The following DELE1 variants were observed in gnomAD, a reference collection of about 807,000 sequenced individuals.
DELE1 encodes the protein death ligand signal enhancer.
DELE1 carries 54 observed loss-of-function variants against 59.3 expected under a neutral mutation model. The ratio of observed to expected loss-of-function variants is 0.91; its 90% CI spans 0.73 to 1.14. The LOEUF (loss-of-function observed/expected upper bound fraction) is 1.14, where lower values mean the gene tolerates loss of function less well. Ranked by LOEUF, DELE1 falls within the 50% of genes most tolerant of loss-of-function variation. The probability of loss-of-function intolerance (pLI) is 0.00; values close to 1 mark genes in which losing one functional copy is unlikely to be tolerated. For missense variants in DELE1, 636 were observed against 643.9 expected (o/e 0.99, Z 0.13); for synonymous variants, 264 against 259.1 (o/e 1.02, Z -0.18).
At chr5:141,931,497 A>G (rs1179729521) in intron 7 of DELE1, among the ~76,000 whole-genome samples, 2 of 152,294 alleles carry the variant, frequency 1.3e-5, no homozygotes, top group Admixed American at 1.3e-4. Flanking sequence ...TCTGGCTGCC[A>G]TGTAGACAGA....
At chr5:141,929,959 C>A in intron 5 of DELE1, 30 bp from the exon 6 acceptor site, 1 of 1,603,660 alleles carries the variant, frequency 6.2e-7, no homozygotes, top group Non-Finnish European at 8.5e-7. Context: ...TCTCCTTTGC[C>A]CTGGCCGGGT....
Position 141,934,395 on chromosome 5 carries a change from A to G in DELE1, c.1053A>G (p.Arg351=). The G allele has an allele frequency of 6.2e-7, 1 of 1,614,192 alleles. No individual in the cohort carries two copies. The highest frequency in any genetic ancestry group is 8.5e-7 in the Non-Finnish European group (1 of 1,180,028). The part of the protein sequence containing the change: ...LLKQAADSGL[R]EAQAFLGVLF... Reference sequence around the variant, plus strand: ...AGCAGGCTGCAGACTCAGGCTTGAGAGAGGTGAGTGCCATTGGCAGGGTCT... The same window carrying G: ...AGCAGGCTGCAGACTCAGGCTTGAGGGAGGTGAGTGCCATTGGCAGGGTCT... Residue 351 remains arginine, a synonymous_variant, in exon 9 of 12, where the codon AGA becomes AGG. Transcript: ENST00000432126.
chr5:141,932,177 G>A (rs1428163687), intron 7 of DELE1, among the ~76,000 whole-genome samples: 1 of 152,174 alleles, frequency 6.6e-6, no homozygotes, highest in Non-Finnish European at 1.5e-5. Context: ...CTTTGATGGT[G>A]GAGGCGGAAA....
chr5:141,925,431 C>A lies in DELE1; in HGVS notation c.168C>A (p.Gly56=). 6.3e-7 allele frequency: 1 copy of A among 1,595,664 alleles called. No homozygotes were observed. The highest frequency in any genetic ancestry group is 2.3e-5 in the East Asian group (1 of 43,102). The change falls in exon 3 of 12, where the codon GGC becomes GGA. Residue 56 remains glycine, a synonymous_variant. Transcript: ENST00000432126. Reference sequence around the variant, plus strand: ...CTAGGTCAGGTCCCCATGGCCCAGGCACGAGCGGGGGTCCAAGGTCCCATG... The same window carrying A: ...CTAGGTCAGGTCCCCATGGCCCAGGAACGAGCGGGGGTCCAAGGTCCCATG... ...NLDRSGPHGP[G]TSGGPRSHGW...
chr5:141,929,515 G>A, intron 4 of DELE1, 67 bp from the exon 5 acceptor site: 1 of 1,550,888 alleles, frequency 6.4e-7, no homozygotes, highest in East Asian at 2.3e-5. Context: ...CTCCCAAGGT[G>A]CTGTGATTAT....
chr5:141,925,340 T>C lies in DELE1; in HGVS notation c.147-70T>C, dbSNP rs1404037941. 8 of 1,014,088 alleles carry C rather than the reference T, an allele frequency of 7.9e-6. No homozygotes were observed. The Admixed American group carries it at 1.5e-4, about 19-fold the overall frequency. The allele number at this position is 1,014,088 out of a possible 1,614,324, so 62.8% of individuals were successfully genotyped here. A position where few individuals can be genotyped will look rare whatever the true frequency, so the allele number is the denominator to read the frequency against. ...CCTCCCAAATTGTTGGGATTACAGGTGTGAGCCACCGCACCCAGTCCCTGG... is the reference window on the plus strand; with the variant it reads ...CCTCCCAAATTGTTGGGATTACAGGCGTGAGCCACCGCACCCAGTCCCTGG... On this transcript the variant is annotated intron_variant, in intron 2 of 11. Transcript: ENST00000432126.
In DELE1 at chr5:141,935,374, C is replaced by T. The variant is rs1472729995; in HGVS notation, c.1149+788C>T. The stretch of plus-strand genomic sequence containing the variant: ...CACTGTAGATCACTGAAAAGGCCAT[C>T]TGTAATTTGCTGTATTCCTCAAGTG... On this transcript the variant is annotated intron_variant, in intron 10 of 11. Transcript: ENST00000432126. Among the ~76,000 whole-genome samples, 8 of 152,340 alleles carry T rather than the reference C, an allele frequency of 5.3e-5. No homozygotes were observed. In the East Asian group the frequency reaches 1.5e-3, roughly 29 times the overall value.
rs1752773047 is a variant in DELE1 at position 141,942,008 on chromosome 5, C to T, written c.*3249C>T. On this transcript the variant is annotated 3_prime_UTR_variant, in exon 12 of 12. Coordinates refer to ENST00000432126, the MANE Select transcript of DELE1 (RefSeq NM_014773.5). ...ACACGGTTTCCTGTGCTACTTCTGG[C>T]ACTTAGTAATTATTCAATAAACACA... is the stretch of plus-strand genomic sequence containing the variant. 1 of 985,394 alleles carries T rather than the reference C, an allele frequency of 1.0e-6. No homozygotes were observed. The highest frequency in any genetic ancestry group is 4.7e-5 in the South Asian group (1 of 21,290). The allele number at this position is 985,394 out of a possible 1,614,324, so 61.0% of individuals were successfully genotyped here. A position where few individuals can be genotyped will look rare whatever the true frequency, so the allele number is the denominator to read the frequency against.
intron 2 of DELE1, 43 bp downstream of exon 2, chr5:141,924,738 C>G (rs1034714854): frequency 1.3e-5 from 16 of 1,256,438 alleles, no homozygotes; most frequent in Non-Finnish European, 1.8e-5. Context: ...CCCCTAGTCA[C>G]CCTTTTTTTT....
At position 141,941,943 on chromosome 5, in the gene DELE1, C is replaced by T. The variant is rs1752764716; in HGVS notation, c.*3184C>T. ...GAATGAATAATTCTGTATTGCCCCC[C>T]ACTCGCCGCCTATACACACGCACAC... On this transcript the variant is annotated 3_prime_UTR_variant, in exon 12 of 12. Coordinates refer to ENST00000432126, the MANE Select transcript of DELE1 (RefSeq NM_014773.5). 1.0e-6 allele frequency: 1 copy of T among 985,142 alleles called. No homozygotes were observed. Among genetic ancestry groups the T allele is most frequent in the Non-Finnish European group, 1.2e-6 (1 of 829,934 alleles). 61.0% of individuals were successfully genotyped at this position (985,142 alleles called of 1,614,324 possible). A position where few individuals can be genotyped will look rare whatever the true frequency, so the allele number is the denominator to read the frequency against.
intron 10 of DELE1, among the ~76,000 whole-genome samples, chr5:141,935,590 G>C (rs1268800666): frequency 6.6e-6 from 1 of 152,148 alleles, no homozygotes; most frequent in Non-Finnish European, 1.5e-5. Context: ...ACTCTGTGTT[G>C]CCCAGAGTAT....
intron 7 of DELE1, among the ~76,000 whole-genome samples, chr5:141,930,538 A>G (rs1156750344): frequency 1.3e-5 from 2 of 152,214 alleles, no homozygotes; most frequent in Non-Finnish European, 2.9e-5. Context: ...GGTCGGGGCA[A>G]GGTAGGGAAG....
chr5:141,938,641 A>G lies in DELE1; in HGVS notation c.1430A>G (p.Asn477Ser), dbSNP rs773794121. ...SRLPHASSTG[N>S]LGLLCRSGHL... ...CTACCACATGCCTCGAGCACAGGCA[A>G]CCTTGGCCTCCTCTGCAGAAGTGGG... Residue 477 changes from asparagine (N) to serine (S), a missense_variant, in exon 12 of 12, where the codon AAC becomes AGC. Transcript: ENST00000432126. 105 of 1,613,932 alleles carry G rather than the reference A, an allele frequency of 6.5e-5. No individual in the cohort carries two copies. The highest frequency in any genetic ancestry group is 1.3e-4 in the East Asian group (6 of 44,860).
At position 141,940,650 on chromosome 5, in the gene DELE1, C is replaced by T; in HGVS notation, c.*1891C>T. On this transcript the variant is annotated 3_prime_UTR_variant, in exon 12 of 12. Coordinates refer to ENST00000432126, the MANE Select transcript of DELE1 (RefSeq NM_014773.5). ...TCTAGCTCCATCTCCTCGCCTGCTC[C>T]CTGCCTCCTTTTCAGGGCTGCCCTG... The T allele has an allele frequency of 3.0e-6, 3 of 986,012 alleles. No individual in the cohort carries two copies. Among genetic ancestry groups the T allele is most frequent in the Non-Finnish European group, 3.6e-6 (3 of 830,252 alleles). 61.1% of individuals were successfully genotyped at this position (986,012 alleles called of 1,614,324 possible).
chr5:141,938,628 T>C lies in DELE1; in HGVS notation c.1417T>C (p.Ser473Pro). Residue 473 changes from serine (S) to proline (P), a missense_variant, in exon 12 of 12, where the codon TCG (serine) becomes CCG (proline). Physicochemically the swap from Ser to Pro is moderately conservative, Grantham distance 74 (BLOSUM62 -1). Coordinates refer to ENST00000432126, the MANE Select transcript of DELE1 (RefSeq NM_014773.5). ...AGGAACCTCACGCCTACCACATGCCTCGAGCACAGGCAACCTTGGCCTCCT... is the reference window on the plus strand; with the variant it reads ...AGGAACCTCACGCCTACCACATGCCCCGAGCACAGGCAACCTTGGCCTCCT... ...LAGTSRLPHASSTGNLGLLCR... is the reference protein window; with the variant it reads ...LAGTSRLPHAPSTGNLGLLCR... The C allele has an allele frequency of 3.1e-6, 5 of 1,614,042 alleles. No individual in the cohort carries two copies. The highest frequency in any genetic ancestry group is 4.2e-6 in the Non-Finnish European group (5 of 1,180,016).
In DELE1 at chr5:141,923,907, T is replaced by C. The variant is rs1398491863; in HGVS notation, c.-35T>C. 2 of 1,589,512 alleles carry C rather than the reference T, an allele frequency of 1.3e-6. No individual in the cohort carries two copies. Among genetic ancestry groups the C allele is most frequent in the Non-Finnish European group, 1.7e-6 (2 of 1,168,156 alleles). ...CTGTCCCAAGGGTTGGTCTCGCGCT[T>C]TCGGCTGCGAGCTCTCTGTGGTGCT... On this transcript the variant is annotated 5_prime_UTR_variant, in exon 1 of 12. Coordinates refer to ENST00000432126, the MANE Select transcript of DELE1 (RefSeq NM_014773.5).
In DELE1 at chr5:141,939,014, A is replaced by C; in HGVS notation, c.*255A>C. ...AAGGATGCATTCAGTGACCTATGAA[A>C]AACCCTACTGAAGGGTCCAGAGACC... On this transcript the variant is annotated 3_prime_UTR_variant, in exon 12 of 12. Transcript: ENST00000432126. 1.5e-6 allele frequency: 2 copies of C among 1,307,654 alleles called. No homozygotes were observed. The highest frequency in any genetic ancestry group is 1.9e-6 in the Non-Finnish European group (2 of 1,026,700). 81.0% of individuals were successfully genotyped at this position (1,307,654 alleles called of 1,614,324 possible).
intron 4 of DELE1, 85 bp from the exon 5 acceptor site, chr5:141,929,497 G>T: frequency 1.4e-6 from 2 of 1,447,070 alleles, no homozygotes; most frequent in South Asian, 1.3e-5. Flanking sequence ...TGATCCACCC[G>T]CCTCGGCCTC....
rs2126858122 is a variant in DELE1 at position 141,923,986 on chromosome 5, A to G, written c.31+14A>G. On this transcript the variant is annotated intron_variant, in intron 1 of 11. Coordinates refer to ENST00000432126, the MANE Select transcript of DELE1 (RefSeq NM_014773.5). ...TCCTGGGCCGAGGTAAGGGACGTCC[A>G]AGCAACCAGCGTCACTCTGGGCCGC... 1 of 1,608,804 alleles carries G rather than the reference A, an allele frequency of 6.2e-7. No homozygotes were observed. Among genetic ancestry groups the G allele is most frequent in the South Asian group, 1.1e-5 (1 of 89,972 alleles).
Sources: gnomAD v4.1 joint callset for allele counts (sites outside exome capture counted in the v4.1 genomes callset) on GRCh38, gnomAD v4.1.1 for gene constraint, MANE v1.5 for transcripts, NCBI Gene and HGNC (gene_info 2026-07-23, HGNC 2026-07-21) for gene names.